The following CDH12 variants were observed in gnomAD, a reference collection of about 807,000 sequenced individuals.
The protein encoded by CDH12 is cadherin 12, also known as cadherin-12.
In CDH12, 41 loss-of-function variants were observed where a neutral mutation model predicts 74.1. That is an observed-to-expected ratio of 0.55 (90% CI 0.43 to 0.72). The LOEUF (loss-of-function observed/expected upper bound fraction) is 0.72. Among genes scored for constraint, CDH12 ranks in the 30% least tolerant of loss-of-function variants. The probability of loss-of-function intolerance (pLI) is 0.00; values close to 1 mark genes in which losing one functional copy is unlikely to be tolerated. For missense variants in CDH12, 945 were observed against 977.2 expected (o/e 0.97, Z 0.44); for synonymous variants, 399 against 355.0 (o/e 1.12, Z -1.39).
intron 1 of CDH12, among the ~76,000 whole-genome samples, chr5:22,795,430 C>T (rs1360033013): frequency 1.3e-5 from 2 of 151,972 alleles, no homozygotes; most frequent in African/African-American, 4.8e-5. Flanking sequence ...AAGCATCTTT[C>T]CTGTAAATTG....
intron 5 of CDH12, among the ~76,000 whole-genome samples, chr5:21,975,682 C>G (rs1363986656): frequency 6.6e-6 from 1 of 152,080 alleles, no homozygotes; most frequent in Non-Finnish European, 1.5e-5. Context: ...GATCTCATAT[C>G]TATTCTTCTG....
intron 1 of CDH12, among the ~76,000 whole-genome samples, chr5:22,848,907 A>AT (rs1182551510): frequency 5.3e-5 from 8 of 149,932 alleles, no homozygotes; most frequent in East Asian, 3.9e-4. Context: ...GTAAGTGTGG[A>AT]TTTTTTTTTC....
chr5:22,587,723 C>T (rs182217590), intron 1 of CDH12, among the ~76,000 whole-genome samples: 14 of 152,018 alleles, frequency 9.2e-5, no homozygotes, highest in African/African-American at 2.7e-4. Flanking sequence ...ATCTGTTCCT[C>T]TTTACTAACC....
chr5:21,811,723 T>TTTTTAC (rs60546103), intron 9 of CDH12, among the ~76,000 whole-genome samples: 1 of 150,370 alleles, frequency 6.7e-6, no homozygotes, highest in Non-Finnish European at 1.5e-5. Flanking sequence ...TTTTTTTTTT[T>TTTTTAC]ACAGTTTTCT....
At chr5:22,163,057 C>T (rs1183881576) in intron 4 of CDH12, among the ~76,000 whole-genome samples, 1 of 152,058 alleles carries the variant, frequency 6.6e-6, no homozygotes, top group Non-Finnish European at 1.5e-5. Context: ...TCACCGCGCC[C>T]GGCTAATTTT....
At chr5:22,415,908 T>TAA (rs1284686088) in intron 2 of CDH12, among the ~76,000 whole-genome samples, 26 of 143,124 alleles carry the variant, frequency 1.8e-4, no homozygotes, top group African/African-American at 6.4e-4. Context: ...AACAAAACAA[T>TAA]AAAAAAAAAA....
intron 1 of CDH12, among the ~76,000 whole-genome samples, chr5:22,619,951 C>T (rs1256426302): frequency 6.6e-6 from 1 of 151,960 alleles, no homozygotes; most frequent in Admixed American, 6.6e-5. Flanking sequence ...TGAAAAAAAT[C>T]CTTTTCATGT....
chr5:21,802,595 T>TTTTTC (rs1554032194), intron 9 of CDH12, among the ~76,000 whole-genome samples, 175 bp from the exon 10 acceptor site: 1 of 141,760 alleles, frequency 7.1e-6, no homozygotes, highest in Non-Finnish European at 1.5e-5. Flanking sequence ...TTTTTTTTCT[T>TTTTTC]TTTTTTTTTT....
chr5:22,717,393 T>A (rs1743635789), intron 1 of CDH12, among the ~76,000 whole-genome samples: 1 of 152,178 alleles, frequency 6.6e-6, no homozygotes, highest in South Asian at 2.1e-4. Context: ...GACTATACCA[T>A]ATAACCTAGG....
Position 22,520,465 on chromosome 5 carries a change from A to T in CDH12, c.-522-15101T>A, listed in dbSNP as rs147446242. Among the ~76,000 whole-genome samples, 7 of 152,296 alleles carry T rather than the reference A, an allele frequency of 4.6e-5. No homozygotes were observed. The East Asian group carries it at 7.7e-4, about 17-fold the overall frequency. ...AAATAAGTTAGATTCAAGTAACCTA[A>T]AGAACACTTATGGAGGTGCCCTTAA... On this transcript the variant is annotated intron_variant, in intron 1 of 14. Transcript: ENST00000382254.
At chr5:22,777,291 T>C (rs1400749527) in intron 1 of CDH12, among the ~76,000 whole-genome samples, 2 of 152,210 alleles carry the variant, frequency 1.3e-5, no homozygotes, top group African/African-American at 4.8e-5. Context: ...ACACTTAGTG[T>C]ATAATCCATA....
chr5:21,851,514 T>A (rs1750467254), intron 7 of CDH12, among the ~76,000 whole-genome samples: 2 of 150,894 alleles, frequency 1.3e-5, no homozygotes, highest in South Asian at 2.1e-4. Context: ...TAATGTTTTA[T>A]AAATGTTAAG....
At chr5:21,802,467 G>A (rs752689693) in intron 9 of CDH12, 47 bp from the exon 10 acceptor site, 1 of 1,501,506 alleles carries the variant, frequency 6.7e-7, no homozygotes, top group Non-Finnish European at 9.2e-7. Flanking sequence ...TATATAGAAT[G>A]TGGCAGAAAT....
intron 1 of CDH12, among the ~76,000 whole-genome samples, chr5:22,614,175 T>C (rs565162604): frequency 1.3e-5 from 2 of 152,250 alleles, no homozygotes; most frequent in African/African-American, 4.8e-5. Flanking sequence ...TTGACGCACA[T>C]TTATTACATA....
intron 3 of CDH12, among the ~76,000 whole-genome samples, chr5:22,326,972 T>G (rs1739137287): frequency 6.6e-6 from 1 of 152,216 alleles, no homozygotes; most frequent in Non-Finnish European, 1.5e-5. Context: ...TCTTACAATC[T>G]TTTTCATTTT....
chr5:21,759,152 A>G (rs1283095468), intron 13 of CDH12, among the ~76,000 whole-genome samples: 3 of 152,154 alleles, frequency 2.0e-5, no homozygotes, highest in Non-Finnish European at 4.4e-5. Flanking sequence ...TAAATTAAAA[A>G]AAGTTGTATT....
At position 22,314,941 on chromosome 5, in the gene CDH12, C is replaced by CTTTTTTTT. The variant is rs759734847; in HGVS notation, c.-333+90308_-333+90315dup. Among the ~76,000 whole-genome samples the CTTTTTTTT allele has an allele frequency of 7.6e-3, 516 of 67,748 alleles. 170 individuals carry two copies. The highest frequency in any genetic ancestry group is 0.01 in the African/African-American group (154 of 14,804). The allele number at this position is 67,748 out of a possible 152,430, so 44.4% of individuals were successfully genotyped here. A position where few individuals can be genotyped will look rare whatever the true frequency, so the allele number is the denominator to read the frequency against. On this transcript the variant is annotated intron_variant, in intron 3 of 14. Transcript: ENST00000382254. ...GAAAAGCAGAGGTCCCTGGGTTGGT[C>CTTTTTTTT]TTTTTTTTTTTTTTTTTTTTTTTTT...
chr5:22,795,133 AT>A (rs1231867964), intron 1 of CDH12, among the ~76,000 whole-genome samples: 2 of 152,148 alleles, frequency 1.3e-5, no homozygotes, highest in Admixed American at 1.3e-4. Context: ...TTTTGGAATT[AT>A]TTCAGTCATC....
intron 5 of CDH12, among the ~76,000 whole-genome samples, chr5:22,069,264 C>T (rs758912901): frequency 1.3e-5 from 2 of 152,114 alleles, no homozygotes; most frequent in Non-Finnish European, 2.9e-5. Context: ...CAGTCCAAAG[C>T]AGCTAGCTTG....
Sources: allele counts gnomAD v4.1 joint callset (sites outside exome capture counted in the v4.1 genomes callset), GRCh38; gene constraint gnomAD v4.1.1; transcripts MANE v1.5; gene names NCBI Gene and HGNC (gene_info 2026-07-23, HGNC 2026-07-21).